TMEM132D: variants seen among roughly 807,000 people sequenced by gnomAD.
TMEM132D encodes the protein mature OL transmembrane protein.
A neutral mutation model predicts 62.3 loss-of-function variants in TMEM132D; 21 were observed. The ratio of observed to expected loss-of-function variants is 0.34; its 90% confidence interval spans 0.24 to 0.49. TMEM132D has a LOEUF of 0.49. TMEM132D is among the 20% of genes least tolerant of loss of function. TMEM132D has a pLI of 0.99. For synonymous variants in TMEM132D, 621 were observed against 575.6 expected, an observed-to-expected ratio of 1.08 and a Z score of -1.13; for missense variants, 1,346 against 1,402.8, an observed-to-expected ratio of 0.96 and a Z score of 0.65.
rs980675425 is a variant in TMEM132D at position 129,281,392 on chromosome 12, T to G, written c.1299+56242A>C. Among the ~76,000 whole-genome samples the G allele has an allele frequency of 5.9e-5, 9 of 152,036 alleles. No homozygotes were observed. The South Asian group carries it at 8.3e-4, about 14-fold the overall frequency. On this transcript the variant is annotated intron_variant, in intron 4 of 8. Coordinates refer to ENST00000422113, the MANE Select transcript of TMEM132D (RefSeq NM_133448.3). Reference sequence around the variant, plus strand: ...GGTTTTTTTGTTTGTTTGTTTGTTTTTTTACTGTCAATCAATAAATAAATT... The same window carrying G: ...GGTTTTTTTGTTTGTTTGTTTGTTTGTTTACTGTCAATCAATAAATAAATT...
At chr12:129,203,636 A>T (rs879851221) in intron 5 of TMEM132D, among the ~76,000 whole-genome samples, 10 of 152,236 alleles carry the variant, frequency 6.6e-5, no homozygotes, top group Admixed American at 5.2e-4. Context: ...GTTGCTCTGG[A>T]AACATCTGGA....
At chr12:129,378,817 A>C (rs183193018) in intron 3 of TMEM132D, among the ~76,000 whole-genome samples, 1 of 152,320 alleles carries the variant, frequency 6.6e-6, no homozygotes, top group Admixed American at 6.5e-5. Flanking sequence ...ATTCCATTGG[A>C]AAGTTCAATC....
chr12:129,154,222 C>A (rs544536785), intron 5 of TMEM132D, among the ~76,000 whole-genome samples: 1 of 152,212 alleles, frequency 6.6e-6, no homozygotes, highest in African/African-American at 2.4e-5. Flanking sequence ...TGGGACACAG[C>A]TCAGAGGGAG....
intron 5 of TMEM132D, among the ~76,000 whole-genome samples, chr12:129,117,801 A>T (rs189072170): frequency 5.3e-5 from 8 of 152,194 alleles, no homozygotes; most frequent in African/African-American, 1.7e-4. Flanking sequence ...AAGCTTTGTC[A>T]TATTTTACGA....
chr12:129,723,755 C>T (rs1869039), intron 1 of TMEM132D, among the ~76,000 whole-genome samples: 124,260 of 152,140 alleles, frequency 0.82, 51,436 homozygotes, highest in Non-Finnish European at 0.9. Flanking sequence ...CTCAAAGTAG[C>T]CCTTTTATTG....
At chr12:129,449,469 G>C (rs1250840137) in intron 3 of TMEM132D, among the ~76,000 whole-genome samples, 1 of 152,176 alleles carries the variant, frequency 6.6e-6, no homozygotes, top group African/African-American at 2.4e-5. Flanking sequence ...TGCAGAGCAG[G>C]AGTTCTAGGT....
intron 3 of TMEM132D, among the ~76,000 whole-genome samples, chr12:129,347,948 GA>G (rs533315839): frequency 2.0e-4 from 31 of 152,156 alleles, no homozygotes; most frequent in African/African-American, 7.5e-4. Flanking sequence ...CAACAAACAT[GA>G]AAAAAACCTC....
At chr12:129,469,132 C>CTGT (rs1189484325) in intron 3 of TMEM132D, among the ~76,000 whole-genome samples, 2 of 152,210 alleles carry the variant, frequency 1.3e-5, no homozygotes, top group Non-Finnish European at 2.9e-5. Flanking sequence ...AAGAGCACTG[C>CTGT]TGTTTGCCTC....
intron 3 of TMEM132D, among the ~76,000 whole-genome samples, chr12:129,440,684 C>A (rs1339495500): frequency 6.6e-6 from 1 of 152,152 alleles, no homozygotes; most frequent in African/African-American, 2.4e-5. Flanking sequence ...ACACAAGATG[C>A]CTGCTGATGT....
chr12:129,321,663 T>C (rs1318655873), intron 4 of TMEM132D, among the ~76,000 whole-genome samples: 1 of 152,072 alleles, frequency 6.6e-6, no homozygotes, highest in Non-Finnish European at 1.5e-5. Flanking sequence ...TTCACGCCAT[T>C]CTCCTGCTTC....
chr12:129,513,421 AT>A (rs958336695), intron 3 of TMEM132D, among the ~76,000 whole-genome samples: 6 of 151,552 alleles, frequency 4.0e-5, no homozygotes, highest in South Asian at 2.1e-4. Context: ...ATGGGGACCA[AT>A]TTTTTTTTAA....
At chr12:129,232,470 G>T (rs553727709) in intron 4 of TMEM132D, among the ~76,000 whole-genome samples, 10 of 152,306 alleles carry the variant, frequency 6.6e-5, no homozygotes, top group African/African-American at 2.4e-4. Context: ...CACCATGCTA[G>T]CTCTGCCTTG....
At chr12:129,322,474 G>A (rs2128281) in intron 4 of TMEM132D, among the ~76,000 whole-genome samples, 72,384 of 151,916 alleles carry the variant, frequency 0.48, 17,619 homozygotes, top group East Asian at 0.65. Flanking sequence ...GTAGCAACAT[G>A]CAACAACTGT....
chr12:129,559,720 G>A (rs1047946648), intron 2 of TMEM132D, among the ~76,000 whole-genome samples: 1 of 152,098 alleles, frequency 6.6e-6, no homozygotes, highest in Non-Finnish European at 1.5e-5. Context: ...GCTCTATGCT[G>A]GAATACAATC....
At chr12:129,095,285 G>C (rs1458708342) in intron 5 of TMEM132D, among the ~76,000 whole-genome samples, 1 of 151,740 alleles carries the variant, frequency 6.6e-6, no homozygotes, top group African/African-American at 2.4e-5. Flanking sequence ...GTCTTTATAG[G>C]GGTGCTTAAG....
chr12:129,335,218 G>A lies in TMEM132D; in HGVS notation c.1299+2416C>T, dbSNP rs1451317431. Among the ~76,000 whole-genome samples the A allele has an allele frequency of 2.9e-5, 4 of 136,524 alleles. No individual in the cohort carries two copies. In the Admixed American group the frequency reaches 3.4e-4, roughly 12 times the overall value. The allele number at this position is 136,524 out of a possible 152,430, so 89.6% of individuals were successfully genotyped here. On this transcript the variant is annotated intron_variant, in intron 4 of 8. Coordinates refer to ENST00000422113, the MANE Select transcript of TMEM132D (RefSeq NM_133448.3). Reference sequence around the variant, plus strand: ...ACGTTCTTGGCTCACTGCAAGCTCCGCCTCCCAAGTTCAAACTATTCTCAT... The same window carrying A: ...ACGTTCTTGGCTCACTGCAAGCTCCACCTCCCAAGTTCAAACTATTCTCAT...
rs143008621 is a variant in TMEM132D, at chr12:129,126,435, T to C, written c.1444-41733A>G. 2.4e-3 allele frequency among the ~76,000 whole-genome samples: 370 copies of C among 151,662 alleles called. 1 individual carries two copies. The highest frequency in any genetic ancestry group is 8.2e-3 in the African/African-American group (339 of 41,288). Reference sequence around the variant, plus strand: ...CCTTTCTCCCAGCATGAAGTACATATAAGGGAGAGAAACATCGAGAGCAGT... The same window carrying C: ...CCTTTCTCCCAGCATGAAGTACATACAAGGGAGAGAAACATCGAGAGCAGT... On this transcript the variant is annotated intron_variant, in intron 5 of 8. Transcript: ENST00000422113.
chr12:129,440,750 A>G (rs549705280), intron 3 of TMEM132D, among the ~76,000 whole-genome samples: 1 of 152,298 alleles, frequency 6.6e-6, no homozygotes, highest in South Asian at 2.1e-4. Flanking sequence ...GAACGCTGAC[A>G]ATGGCAAGCT....
intron 1 of TMEM132D, among the ~76,000 whole-genome samples, chr12:129,784,254 A>G (rs960373757): frequency 6.6e-6 from 1 of 152,058 alleles, no homozygotes; most frequent in Non-Finnish European, 1.5e-5. Context: ...TCCTGAAACT[A>G]CTCTCTGAGT....
Sources: allele counts gnomAD v4.1 joint callset (sites outside exome capture counted in the v4.1 genomes callset), GRCh38; gene constraint gnomAD v4.1.1; transcripts MANE v1.5; gene names NCBI Gene and HGNC (gene_info 2026-07-23, HGNC 2026-07-21).